Variants in LRRFIP1 observed in about 807,000 individuals in gnomAD.
The protein encoded by LRRFIP1 is LRR binding FLII interacting protein 1.
A neutral mutation model predicts 104.4 loss-of-function variants in LRRFIP1; 62 were observed. That is an observed-to-expected ratio of 0.59 (90% CI 0.48 to 0.73). The LOEUF is 0.73. Among genes scored for constraint, LRRFIP1 ranks in the 30% least tolerant of loss-of-function variants. The pLI is 0.00. For missense variants in LRRFIP1, 796 were observed against 824.5 expected (o/e 0.97, Z 0.42); for synonymous variants, 300 against 299.0 (o/e 1.00, Z -0.03).
intron 1 of LRRFIP1, among the ~76,000 whole-genome samples, chr2:237,687,979 C>G (rs980248511): frequency 7.9e-5 from 12 of 152,342 alleles, no homozygotes; most frequent in Admixed American, 2.0e-4. Flanking sequence ...GCTAACTGTT[C>G]TGGCATTTTC....
intron 11 of LRRFIP1, among the ~76,000 whole-genome samples, chr2:237,744,614 A>G (rs75480770): frequency 0.032 from 4,854 of 152,352 alleles, 93 homozygotes; most frequent in Middle Eastern, 0.12. Context: ...CTTGACGTAA[A>G]CTAAACTTCC....
intron 11 of LRRFIP1, among the ~76,000 whole-genome samples, 190 bp downstream of exon 11, chr2:237,739,499 G>C (rs1018453429): frequency 1.3e-5 from 2 of 152,242 alleles, no homozygotes; most frequent in African/African-American, 4.8e-5. Context: ...TCTTAGAGGA[G>C]GCAAACTTTA....
intron 2 of LRRFIP1, among the ~76,000 whole-genome samples, chr2:237,712,013 A>T (rs2094120345): frequency 6.6e-6 from 1 of 152,230 alleles, no homozygotes; most frequent in South Asian, 2.1e-4. Flanking sequence ...GGATCGAAAG[A>T]TCTTAAATAA....
At chr2:237,712,820 A>G (rs372763560) in intron 2 of LRRFIP1, among the ~76,000 whole-genome samples, 1 of 152,180 alleles carries the variant, frequency 6.6e-6, no homozygotes, top group Non-Finnish European at 1.5e-5. Flanking sequence ...TGCATATCAC[A>G]TCTCTGGGCC....
intron 4 of LRRFIP1, among the ~76,000 whole-genome samples, chr2:237,718,308 T>G (rs1421465854): frequency 1.3e-5 from 2 of 152,238 alleles, no homozygotes; most frequent in Admixed American, 1.3e-4. Flanking sequence ...TATCTGCATT[T>G]GCTGTTGGGT....
intron 11 of LRRFIP1, among the ~76,000 whole-genome samples, chr2:237,744,220 T>A (rs78272734): frequency 0.011 from 1,601 of 152,310 alleles, 31 homozygotes; most frequent in African/African-American, 0.036. Context: ...CATTTAAATG[T>A]GAAGGAAAAT....
rs537541149 is a variant in LRRFIP1, at chr2:237,743,711, A to G, written c.633+4402A>G. ...TCATGGGACGCACAGACAGGGGCAG[A>G]CGGATGCTTGTTGGGTGATCACACG... On this transcript the variant is annotated intron_variant, in intron 11 of 23. Coordinates refer to ENST00000308482, the MANE Select transcript of LRRFIP1 (RefSeq NM_001137550.2). 2.2e-4 allele frequency among the ~76,000 whole-genome samples: 34 copies of G among 152,278 alleles called. No individual in the cohort carries two copies. The South Asian group carries it at 6.8e-3, about 31-fold the overall frequency.
Position 237,774,105 on chromosome 2 carries a change from C to A in LRRFIP1, c.1708-253C>A. Reference sequence around the variant, plus strand: ...AGAAGCAGGCAGCAAGGTGCCAGCACTGCAGAAACCACCCTGGTGGACGGG... The same window carrying A: ...AGAAGCAGGCAGCAAGGTGCCAGCAATGCAGAAACCACCCTGGTGGACGGG... On this transcript the variant is annotated intron_variant, in intron 22 of 23. Transcript: ENST00000308482. 4 of 456,580 alleles carry A rather than the reference C, an allele frequency of 8.8e-6. No homozygotes were observed. In the South Asian group the frequency reaches 1.0e-4, roughly 12 times the overall value. 28.3% of individuals were successfully genotyped at this position (456,580 alleles called of 1,614,324 possible). A position where few individuals can be genotyped will look rare whatever the true frequency, so the allele number is the denominator to read the frequency against.
chr2:237,692,502 G>C, intron 1 of LRRFIP1: 1 of 1,532,690 alleles, frequency 6.5e-7, no homozygotes, highest in South Asian at 1.2e-5. Context: ...GACTGTTTGA[G>C]CCCGGAAGCG....
Position 237,703,185 on chromosome 2 carries a change from C to T in LRRFIP1, c.97-5359C>T, listed in dbSNP as rs975618282. ...GGAAAGAATGACTCAACCTGCAGGC[C>T]GTCTGGGGTATGCACAGTCTCGTCT... On this transcript the variant is annotated intron_variant, in intron 1 of 23. Coordinates refer to ENST00000308482, the MANE Select transcript of LRRFIP1 (RefSeq NM_001137550.2). This position sits in a 1 kb window ranked among gnomAD's most constrained non-coding sequence, Gnocchi z 4.3. Among the ~76,000 whole-genome samples, 12 of 152,148 alleles carry T rather than the reference C, an allele frequency of 7.9e-5. No individual in the cohort carries two copies. Among genetic ancestry groups the T allele is most frequent in the African/African-American group, 2.7e-4 (11 of 41,442 alleles).
chr2:237,632,043 C>T (rs36050309), intron 1 of LRRFIP1, among the ~76,000 whole-genome samples: 63,832 of 151,958 alleles, frequency 0.42, 13,713 homozygotes, highest in Non-Finnish European at 0.45. Context: ...CGTGGGCCTG[C>T]GGGTGCTGTT....
At chr2:237,637,924 C>T (rs965681193) in intron 1 of LRRFIP1, among the ~76,000 whole-genome samples, 3 of 152,234 alleles carry the variant, frequency 2.0e-5, no homozygotes, top group East Asian at 3.9e-4. Context: ...CAGGTTGACA[C>T]TCATCGTGGT....
chr2:237,666,239 C>G (rs2149498897), intron 1 of LRRFIP1, among the ~76,000 whole-genome samples: 1 of 152,366 alleles, frequency 6.6e-6, no homozygotes, highest in Admixed American at 6.5e-5. Flanking sequence ...AAATCGAGCA[C>G]CTCAGTTGTC....
chr2:237,691,859 C>T lies in LRRFIP1; in HGVS notation c.97-16685C>T, dbSNP rs549806435. 1.8e-4 allele frequency among the ~76,000 whole-genome samples: 27 copies of T among 146,984 alleles called. No individual in the cohort carries two copies. Among genetic ancestry groups the T allele is most frequent in the African/African-American group, 5.9e-4 (24 of 40,444 alleles). On this transcript the variant is annotated intron_variant, in intron 1 of 23. Coordinates refer to ENST00000308482, the MANE Select transcript of LRRFIP1 (RefSeq NM_001137550.2). The surrounding 1 kb of genome is among the most constrained non-coding windows in gnomAD (Gnocchi z 5.4). ...GCCGGAGGGGTGGTGATGGACAGCC[C>T]GGGAGGGGCGGGGCAGGACCAGGAA...
intron 19 of LRRFIP1, chr2:237,765,076 A>G: frequency 1.8e-6 from 1 of 570,918 alleles, no homozygotes. Flanking sequence ...AGCCTGGCCA[A>G]CATGGTGAAA....
At position 237,731,041 on chromosome 2, in the gene LRRFIP1, G is replaced by A. The variant is rs113326838; in HGVS notation, c.445-2733G>A. Among the ~76,000 whole-genome samples the A allele has an allele frequency of 4.6e-5, 7 of 152,358 alleles. 1 individual carries two copies. Among genetic ancestry groups the A allele is most frequent in the African/African-American group, 1.7e-4 (7 of 41,576 alleles). ...GCCATTTGAGCAGAGCAGAGGCCGCGCAGAATGGGCAGAACCCAGGAGAGG... is the reference window on the plus strand; with the variant it reads ...GCCATTTGAGCAGAGCAGAGGCCGCACAGAATGGGCAGAACCCAGGAGAGG... On this transcript the variant is annotated intron_variant, in intron 8 of 23. Coordinates refer to ENST00000308482, the MANE Select transcript of LRRFIP1 (RefSeq NM_001137550.2).
chr2:237,667,810 C>T (rs542346253), intron 1 of LRRFIP1, among the ~76,000 whole-genome samples: 4 of 150,070 alleles, frequency 2.7e-5, no homozygotes, highest in South Asian at 4.2e-4. Context: ...CGGCACAGGA[C>T]TGGCCCAGCC....
chr2:237,750,326 CT>C (rs928510240), intron 13 of LRRFIP1, among the ~76,000 whole-genome samples: 8,058 of 61,260 alleles, frequency 0.13, 96 homozygotes, highest in East Asian at 0.21. Flanking sequence ...TTCTTTCTTT[CT>C]TTTTTTTTTT....
chr2:237,772,442 T>C, intron 21 of LRRFIP1: 1 of 485,156 alleles, frequency 2.1e-6, no homozygotes, highest in African/African-American at 1.9e-5. Context: ...GTTGTGCCGA[T>C]GGAAACCACA....
Sources: allele counts gnomAD v4.1 joint callset (sites outside exome capture counted in the v4.1 genomes callset), GRCh38; gene constraint gnomAD v4.1.1; non-coding constraint Gnocchi (gnomAD v3.1); transcripts MANE v1.5; gene names NCBI Gene and HGNC (gene_info 2026-07-23, HGNC 2026-07-21).